CENPV: variants seen among roughly 807,000 people sequenced by gnomAD.
The protein encoded by CENPV is centromere protein V, also known as nuclear protein p30.
CENPV carries 15 observed loss-of-function variants against 26.4 expected under a neutral mutation model. The observed-to-expected ratio is 0.57, with a 90% CI of 0.38 to 0.88. The LOEUF (loss-of-function observed/expected upper bound fraction) is 0.88, where lower values mean the gene tolerates loss of function less well. CENPV is among the 40% of genes least tolerant of loss of function. The probability of loss-of-function intolerance (pLI) is 0.00; values close to 1 mark genes in which losing one functional copy is unlikely to be tolerated. For synonymous variants in CENPV, 172 were observed against 165.5 expected (o/e 1.04, Z -0.30); for missense variants, 336 against 376.5 (o/e 0.89, Z 0.89).
rs2093215778 is a variant in CENPV, at chr17:16,348,301, C to T, written c.579+315G>A. On this transcript the variant is annotated intron_variant, in intron 3 of 4. Coordinates refer to ENST00000299736, the MANE Select transcript of CENPV (RefSeq NM_181716.3). Reference sequence around the variant, plus strand: ...CCTCCCAAGTAGCTGGGATTACAGGCATGCACTACAACGCCCAGCTAATTT... The same window carrying T: ...CCTCCCAAGTAGCTGGGATTACAGGTATGCACTACAACGCCCAGCTAATTT... The T allele has an allele frequency of 1.5e-5, 4 of 266,426 alleles. No homozygotes were observed. In the South Asian group the frequency reaches 3.1e-4, roughly 20 times the overall value. The allele number at this position is 266,426 out of a possible 1,614,324, so 16.5% of individuals were successfully genotyped here.
chr17:16,345,256 C>T (rs546943307), intron 3 of CENPV, among the ~76,000 whole-genome samples: 36 of 133,924 alleles, frequency 2.7e-4, no homozygotes, highest in Middle Eastern at 3.7e-3. Flanking sequence ...AGCGAGACTC[C>T]GTCTCAAAAA....
chr17:16,349,400 A>G (rs1210798199), intron 2 of CENPV: 2 of 986,028 alleles, frequency 2.0e-6, no homozygotes, highest in East Asian at 2.3e-4. Context: ...TCCCAAAGCC[A>G]GAGCCTGTCG....
intron 3 of CENPV, among the ~76,000 whole-genome samples, chr17:16,345,039 G>A (rs983695993): frequency 6.6e-6 from 1 of 151,952 alleles, no homozygotes; most frequent in Non-Finnish European, 1.5e-5. Context: ...CCAAAGTGCT[G>A]GGATTACAGG....
Position 16,344,753 on chromosome 17 carries a change from AT to A in CENPV, c.580-43del, listed in dbSNP as rs776191699. The A allele has an allele frequency of 9.0e-6, 9 of 1,004,140 alleles. No individual in the cohort carries two copies. In the African/African-American group the frequency reaches 1.2e-4, roughly 13 times the overall value. 62.2% of individuals were successfully genotyped at this position (1,004,140 alleles called of 1,614,324 possible). On this transcript the variant is annotated intron_variant, in intron 3 of 4. Transcript: ENST00000299736. ...AAACGGTATTCTTTTTTACAAAGAGATTTATTTATTTAATTTATTTATTTAT... is the reference window on the plus strand; with the variant it reads ...AAACGGTATTCTTTTTTACAAAGAGATTATTTATTTAATTTATTTATTTAT...
Position 16,342,904 on chromosome 17 carries a change from C to T in CENPV, c.732G>A (p.Arg244=), listed in dbSNP as rs1216151283. 3.7e-6 allele frequency: 6 copies of T among 1,614,168 alleles called. No individual in the cohort carries two copies. Among genetic ancestry groups the T allele is most frequent in the Non-Finnish European group, 5.1e-6 (6 of 1,180,038 alleles). ...APHCLDEGTV[R]SMVTEEFNGS... ...CATTGAATTCCTCAGTGACCATACT[C>T]CGCACAGTGCCCTCATCCAGGCAGT... Residue 244 remains arginine (R), a synonymous_variant, in exon 5 of 5, where the codon CGG becomes CGA. Transcript: ENST00000299736.
At chr17:16,349,787 T>C (rs1277056831) in intron 2 of CENPV, 144 bp downstream of exon 2, 1 of 1,455,928 alleles carries the variant, frequency 6.9e-7, no homozygotes, top group African/African-American at 1.4e-5. Context: ...ACAATGAACC[T>C]TTCTGTCCCC....
rs1193401463 is a variant in CENPV at position 16,342,916 on chromosome 17, C to T, written c.720G>A (p.Glu240=). 9.3e-6 allele frequency: 15 copies of T among 1,614,054 alleles called. No individual in the cohort carries two copies. The highest frequency in any genetic ancestry group is 3.3e-5 in the South Asian group (3 of 91,090). Residue 240 remains glutamate, a synonymous_variant, in exon 5 of 5, where the codon GAG becomes GAA. Transcript: ENST00000299736. The stretch of plus-strand genomic sequence containing the variant: ...CAGTGACCATACTCCGCACAGTGCC[C>T]TCATCCAGGCAGTGGGGGGCAATTC... ...GFGIAPHCLD[E]GTVRSMVTEE...
rs1414826396 is a variant in CENPV, at chr17:16,353,447, G to C, written c.-11C>G. The C allele has an allele frequency of 8.9e-7, 1 of 1,124,006 alleles. No individual in the cohort carries two copies. The highest frequency in any genetic ancestry group is 4.3e-5 in the South Asian group (1 of 23,374). The allele number at this position is 1,124,006 out of a possible 1,614,324, so 69.6% of individuals were successfully genotyped here. On this transcript the variant is annotated 5_prime_UTR_variant, in exon 1 of 5. Transcript: ENST00000299736. Reference sequence around the variant, plus strand: ...CCTCGATCGCCGCATGGCTCCCGCAGCCTGGCGCGCAGGCCTCGCAGCGCG... The same window carrying C: ...CCTCGATCGCCGCATGGCTCCCGCACCCTGGCGCGCAGGCCTCGCAGCGCG...
chr17:16,349,686 C>T, intron 2 of CENPV: 1 of 1,251,112 alleles, frequency 8.0e-7, no homozygotes. Flanking sequence ...GATGCTGCCA[C>T]AAGCCACAAG....
In CENPV at chr17:16,353,351, G is replaced by A; in HGVS notation, c.86C>T (p.Ala29Val). The A allele has an allele frequency of 2.4e-6, 3 of 1,271,188 alleles. No individual in the cohort carries two copies. Among genetic ancestry groups the A allele is most frequent in the Non-Finnish European group, 3.0e-6 (3 of 1,013,584 alleles). 78.7% of individuals were successfully genotyped at this position (1,271,188 alleles called of 1,614,324 possible). A position where few individuals can be genotyped will look rare whatever the true frequency, so the allele number is the denominator to read the frequency against. ...GASAAPAASA[A>V]AALAPSATRT... ...GGTGGCGCTGGGTGCCAAGGCAGCGGCCGCGGAGGCCGCGGGGGCCGCGGA... is the reference window on the plus strand; with the variant it reads ...GGTGGCGCTGGGTGCCAAGGCAGCGACCGCGGAGGCCGCGGGGGCCGCGGA... Residue 29 changes from alanine to valine, a missense_variant, in exon 1 of 5, where the codon GCC becomes GTC. Physicochemically the swap from Ala to Val is moderately conservative, Grantham distance 64. Coordinates refer to ENST00000299736, the MANE Select transcript of CENPV (RefSeq NM_181716.3).
rs1043529116 is a variant in CENPV at position 16,353,349 on chromosome 17, C to CGGCCGCGGAGGCCGCGGG, written c.70_87dup (p.Pro24_Ala29dup). 818 of 1,286,112 alleles carry CGGCCGCGGAGGCCGCGGG rather than the reference C, an allele frequency of 6.4e-4. 6 individuals carry two copies. The highest frequency in any genetic ancestry group is 5.6e-3 in the East Asian group (160 of 28,372). 79.7% of individuals were successfully genotyped at this position (1,286,112 alleles called of 1,614,324 possible). ...CGGGTGGCGCTGGGTGCCAAGGCAG[C>CGGCCGCGGAGGCCGCGGG]GGCCGCGGAGGCCGCGGGGGCCGCG... is the stretch of plus-strand genomic sequence containing the variant. On this transcript the variant is annotated inframe_insertion, in exon 1 of 5. Coordinates refer to ENST00000299736, the MANE Select transcript of CENPV (RefSeq NM_181716.3).
In CENPV at chr17:16,353,233, C is replaced by T; in HGVS notation, c.204G>A (p.Pro68=). The change falls in exon 1 of 5, where the codon CCG becomes CCA. Residue 68 remains proline (P), a synonymous_variant. Transcript: ENST00000299736. ...SEKPRLRRSS[P]RAQEEGPGEP... ...CCCCCGGGCCCTCCTCCTGGGCCCG[C>T]GGCGACGAGCGCCTCAGCCGCGGCT... 7.2e-7 allele frequency: 1 copy of T among 1,393,520 alleles called. No individual in the cohort carries two copies. The highest frequency in any genetic ancestry group is 9.3e-7 in the Non-Finnish European group (1 of 1,075,988). The allele number at this position is 1,393,520 out of a possible 1,614,324, so 86.3% of individuals were successfully genotyped here.
chr17:16,348,369 C>A (rs2093216130), intron 3 of CENPV: 4 of 836,682 alleles, frequency 4.8e-6, no homozygotes, highest in Non-Finnish European at 6.4e-6. Flanking sequence ...GTTGGCCAGG[C>A]TGGTCCTCAA....
In CENPV at chr17:16,344,618, G is replaced by A. The variant is rs1230322364; in HGVS notation, c.673C>T (p.Arg225Ter). Residue 225 changes from arginine to a stop codon, truncating the protein, a stop_gained, in exon 4 of 5, where the codon CGA becomes TGA. Transcript: ENST00000299736. LOFTEE classifies it high-confidence loss of function. ...TCACCGAAGCCTCCGGGGTTTGATCGTGGAGTATAGAAGCTCTGAACGCCA... is the reference window on the plus strand; with the variant it reads ...TCACCGAAGCCTCCGGGGTTTGATCATGGAGTATAGAAGCTCTGAACGCCA... ...RCGVQSFYTPRSNPGGFGIAP... is the reference protein window; with the variant it reads ...RCGVQSFYTP 6.3e-7 allele frequency: 1 copy of A among 1,587,112 alleles called. No individual in the cohort carries two copies. The highest frequency in any genetic ancestry group is 8.6e-7 in the Non-Finnish European group (1 of 1,169,014).
At chr17:16,345,304 C>T (rs2093201819) in intron 3 of CENPV, among the ~76,000 whole-genome samples, 1 of 127,182 alleles carries the variant, frequency 7.9e-6, no homozygotes, top group Admixed American at 7.5e-5. Context: ...GGCATGGTGG[C>T]TCATGCCTGT....
At chr17:16,352,937 C>T (rs2093233998) in intron 1 of CENPV, 90 bp downstream of exon 1, 4 of 1,407,412 alleles carry the variant, frequency 2.8e-6, no homozygotes, top group South Asian at 1.5e-5. Context: ...TGAAAGGCGC[C>T]CAAGGCCTGC....
At chr17:16,348,249 CAG>C in intron 3 of CENPV, 1 of 163,368 alleles carries the variant, frequency 6.1e-6, no homozygotes. Context: ...CTCCACCTCC[CAG>C]GTTCAAGTGA....
chr17:16,343,398 T>G (rs2093190949), intron 4 of CENPV, among the ~76,000 whole-genome samples: 1 of 152,166 alleles, frequency 6.6e-6, no homozygotes, highest in Non-Finnish European at 1.5e-5. Context: ...AATGGCGTGA[T>G]CTTGACTCAC....
chr17:16,345,886 C>G (rs1195723363), intron 3 of CENPV, among the ~76,000 whole-genome samples: 1 of 152,118 alleles, frequency 6.6e-6, no homozygotes, highest in East Asian at 1.9e-4. Context: ...TTAATTTATC[C>G]ACAAAGGACA....
Sources: gnomAD v4.1 joint callset for allele counts (sites outside exome capture counted in the v4.1 genomes callset) on GRCh38, gnomAD v4.1.1 for gene constraint, MANE v1.5 for transcripts, NCBI Gene and HGNC (gene_info 2026-07-23, HGNC 2026-07-21) for gene names.